GABRB2: variants seen among roughly 807,000 people sequenced by gnomAD.
The protein encoded by GABRB2 is gamma-aminobutyric acid receptor subunit beta-2.
GABRB2 carries 16 observed loss-of-function variants against 54.7 expected under a neutral mutation model. That is an observed-to-expected ratio of 0.29 (90% CI 0.20 to 0.44). The LOEUF is 0.44. Among genes scored for constraint, GABRB2 ranks in the 20% least tolerant of loss-of-function variants. The pLI is 1.00. For synonymous variants in GABRB2, 244 were observed against 233.8 expected, an observed-to-expected ratio of 1.04 and a Z score of -0.40; for missense variants, 355 against 644.0, an observed-to-expected ratio of 0.55 and a Z score of 4.86.
intron 5 of GABRB2, among the ~76,000 whole-genome samples, chr5:161,364,914 A>C (rs1169115543): frequency 2.6e-5 from 4 of 152,194 alleles, no homozygotes; most frequent in African/African-American, 4.8e-5. Flanking sequence ...ACTTTAATTA[A>C]GAAATTTTTT....
chr5:161,307,049 G>A (rs80001200), intron 9 of GABRB2, among the ~76,000 whole-genome samples: 2,874 of 152,254 alleles, frequency 0.019, 48 homozygotes, highest in Non-Finnish European at 0.028. Context: ...GCTAAATGAT[G>A]TGCAGCTGTT....
At chr5:161,530,926 G>A (rs770133555) in intron 3 of GABRB2, among the ~76,000 whole-genome samples, 52 of 152,028 alleles carry the variant, frequency 3.4e-4, no homozygotes, top group Admixed American at 1.5e-3. Context: ...CTGGCTTAAC[G>A]GTGCTTGAAA....
chr5:161,514,074 A>G (rs1258660549), intron 3 of GABRB2, among the ~76,000 whole-genome samples: 2 of 152,206 alleles, frequency 1.3e-5, no homozygotes, highest in Non-Finnish European at 2.9e-5. Context: ...TGCCAAAAAT[A>G]TCAGCTAAGT....
rs187396917 is a variant in GABRB2, at chr5:161,353,406, T to G, written c.542-16637A>C. On this transcript the variant is annotated intron_variant, in intron 5 of 9. Transcript: ENST00000393959. ...CCAAACTTGGTAAACCAGTTGAGAA[T>G]GGGGAAGCCCCTTCCTTCCACATTG... 1.3e-4 allele frequency among the ~76,000 whole-genome samples: 20 copies of G among 152,182 alleles called. No individual in the cohort carries two copies. The East Asian group carries it at 3.3e-3, about 25-fold the overall frequency.
rs5872708 is a variant in GABRB2 at position 161,332,165 on chromosome 5, C to CAAAA, written c.833-1042_833-1039dup. Among the ~76,000 whole-genome samples the CAAAA allele has an allele frequency of 5.4e-3, 371 of 68,998 alleles. 11 individuals carry two copies. Among genetic ancestry groups the CAAAA allele is most frequent in the East Asian group, 0.014 (31 of 2,290 alleles). 45.3% of individuals were successfully genotyped at this position (68,998 alleles called of 152,430 possible). A position where few individuals can be genotyped will look rare whatever the true frequency, so the allele number is the denominator to read the frequency against. ...TGGGCCACACAGCAAGACTCCGTCT[C>CAAAA]AAAAAAAAAAAAAAAAAAAAAGAAT... On this transcript the variant is annotated intron_variant, in intron 7 of 9. Coordinates refer to ENST00000393959, the MANE Select transcript of GABRB2 (RefSeq NM_001371727.1).
At chr5:161,311,200 A>G (rs563422197) in intron 9 of GABRB2, among the ~76,000 whole-genome samples, 1 of 152,296 alleles carries the variant, frequency 6.6e-6, no homozygotes, top group Admixed American at 6.5e-5. Context: ...TCCTCATCTC[A>G]TGGATAATAA....
Position 161,359,566 on chromosome 5 carries a change from T to A in GABRB2, c.542-22797A>T, listed in dbSNP as rs140649889. ...TACGCTTTTACCATAATATTGGTGATGATAATACATGATAACAAGAAGACT... is the reference window on the plus strand; with the variant it reads ...TACGCTTTTACCATAATATTGGTGAAGATAATACATGATAACAAGAAGACT... On this transcript the variant is annotated intron_variant, in intron 5 of 9. Transcript: ENST00000393959. 1.1e-4 allele frequency among the ~76,000 whole-genome samples: 16 copies of A among 152,218 alleles called. No homozygotes were observed. In the East Asian group the frequency reaches 3.1e-3, roughly 29 times the overall value.
At chr5:161,498,158 T>C (rs1174933599) in intron 3 of GABRB2, among the ~76,000 whole-genome samples, 2 of 152,118 alleles carry the variant, frequency 1.3e-5, no homozygotes, top group South Asian at 2.1e-4. Context: ...TTCAGACCTA[T>C]GTGAAACAAA....
intron 4 of GABRB2, among the ~76,000 whole-genome samples, chr5:161,440,949 C>A (rs1269848296): frequency 6.6e-6 from 1 of 152,100 alleles, no homozygotes; most frequent in African/African-American, 2.4e-5. Context: ...CTATGTATCA[C>A]CATATACAAA....
At position 161,453,913 on chromosome 5, in the gene GABRB2, C is replaced by T. The variant is rs980766982; in HGVS notation, c.458+5711G>A. Among the ~76,000 whole-genome samples the T allele has an allele frequency of 2.0e-5, 3 of 151,596 alleles. No individual in the cohort carries two copies. In the East Asian group the frequency reaches 5.9e-4, roughly 30 times the overall value. ...ATTAGCCAGGTGTGGTGGTGAGCAC[C>T]TGTAATCCTAGTTACTCGGGAGGCT... is the stretch of plus-strand genomic sequence containing the variant. On this transcript the variant is annotated intron_variant, in intron 4 of 9. Transcript: ENST00000393959.
intron 3 of GABRB2, among the ~76,000 whole-genome samples, chr5:161,478,816 A>G (rs1253168646): frequency 6.6e-6 from 1 of 152,024 alleles, no homozygotes; most frequent in Non-Finnish European, 1.5e-5. Context: ...CTAAGCAGTG[A>G]AAAAGTGTGA....
Position 161,288,491 on chromosome 5 carries a change from T to A in GABRB2, c.*5590A>T, listed in dbSNP as rs1757146242. ...AGAATTACACACTAGCCAACATTAT[T>A]ATATATTTACATGCTGAAACTGGCT... is the stretch of plus-strand genomic sequence containing the variant. On this transcript the variant is annotated 3_prime_UTR_variant, in exon 10 of 10. Coordinates refer to ENST00000393959, the MANE Select transcript of GABRB2 (RefSeq NM_001371727.1). The A allele has an allele frequency of 2.0e-5, 3 of 152,650 alleles. No homozygotes were observed. The highest frequency in any genetic ancestry group is 4.4e-5 in the Non-Finnish European group (3 of 68,024). The allele number at this position is 152,650 out of a possible 1,614,324, so 9.5% of individuals were successfully genotyped here.
chr5:161,379,816 G>A (rs936171292), intron 5 of GABRB2, among the ~76,000 whole-genome samples: 8 of 152,084 alleles, frequency 5.3e-5, no homozygotes, highest in African/African-American at 1.4e-4. Context: ...TTCCAGAAAG[G>A]GGAACATTTG....
At chr5:161,305,261 C>T (rs1421238921) in intron 9 of GABRB2, among the ~76,000 whole-genome samples, 3 of 151,850 alleles carry the variant, frequency 2.0e-5, no homozygotes, top group African/African-American at 7.3e-5. Context: ...CATGATCCAC[C>T]CACCTCGGCC....
At chr5:161,510,768 C>T (rs919991881) in intron 3 of GABRB2, among the ~76,000 whole-genome samples, 3 of 151,784 alleles carry the variant, frequency 2.0e-5, no homozygotes, top group African/African-American at 4.8e-5. Context: ...AGTGTAAATG[C>T]CTACCCTTAT....
At chr5:161,420,059 GATTA>G (rs773912171) in intron 4 of GABRB2, among the ~76,000 whole-genome samples, 4 of 152,156 alleles carry the variant, frequency 2.6e-5, no homozygotes, top group African/African-American at 4.8e-5. Flanking sequence ...TTTCAAAAGT[GATTA>G]ATTTTTTTCT....
intron 5 of GABRB2, among the ~76,000 whole-genome samples, chr5:161,392,358 T>C (rs1755852059): frequency 6.6e-6 from 1 of 152,196 alleles, no homozygotes; most frequent in South Asian, 2.1e-4. Context: ...ACAAGAATAA[T>C]AATATTTTGA....
At chr5:161,523,065 A>G (rs1760167740) in intron 3 of GABRB2, among the ~76,000 whole-genome samples, 1 of 151,550 alleles carries the variant, frequency 6.6e-6, no homozygotes, top group Non-Finnish European at 1.5e-5. Context: ...TGAGCTTGAT[A>G]CTATTATTAT....
intron 9 of GABRB2, among the ~76,000 whole-genome samples, chr5:161,326,097 C>T (rs1429615320): frequency 2.0e-5 from 3 of 152,080 alleles, no homozygotes; most frequent in East Asian, 1.9e-4. Context: ...AAAGGATTCT[C>T]AAAATACGAT....
Sources: allele counts gnomAD v4.1 joint callset (sites outside exome capture counted in the v4.1 genomes callset), GRCh38; gene constraint gnomAD v4.1.1; transcripts MANE v1.5; gene names NCBI Gene and HGNC (gene_info 2026-07-23, HGNC 2026-07-21).